Variants in DEAF1 observed in about 807,000 individuals in gnomAD.
DEAF1 encodes deformed epidermal autoregulatory factor 1 homolog.
Under a neutral mutation model 58.9 loss-of-function variants are expected in DEAF1, and 53 were observed. That is an observed-to-expected ratio of 0.90 (90% confidence interval 0.72 to 1.13). The LOEUF is 1.13. DEAF1 is among the 50% of genes most tolerant of loss of function. The pLI is 0.00. For missense variants in DEAF1, 685 were observed against 791.4 expected (o/e 0.87, Z 1.61); for synonymous variants, 385 against 340.4 (o/e 1.13, Z -1.44).
chr11:671,233 G>A (rs1342092412), intron 10 of DEAF1, among the ~76,000 whole-genome samples: 1 of 148,370 alleles, frequency 6.7e-6, no homozygotes, highest in Non-Finnish European at 1.5e-5. Flanking sequence ...TGGACTTTTT[G>A]TTTTTTGAGA....
At chr11:649,461 T>TA (rs1250316443) in intron 11 of DEAF1, among the ~76,000 whole-genome samples, 1 of 150,656 alleles carries the variant, frequency 6.6e-6, no homozygotes, top group African/African-American at 2.4e-5. Context: ...GGCTCACACC[T>TA]ATAATCCCAG....
rs1163818951 is a variant in DEAF1 at position 688,587 on chromosome 11, G to A, written c.388-127C>T. The A allele has an allele frequency of 9.0e-7, 1 of 1,112,662 alleles. No individual in the cohort carries two copies. Among genetic ancestry groups the A allele is most frequent in the African/African-American group, 1.5e-5 (1 of 65,152 alleles). 68.9% of individuals were successfully genotyped at this position (1,112,662 alleles called of 1,614,324 possible). On this transcript the variant is annotated intron_variant, in intron 2 of 11. Coordinates refer to ENST00000382409, the MANE Select transcript of DEAF1 (RefSeq NM_021008.4). The surrounding 1 kb of genome is among the most constrained non-coding windows in gnomAD (Gnocchi z 4.3). Reference sequence around the variant, plus strand: ...TCACCAAGAAGGGACGCTCACCTAGGCACCCCATATCTTTTCCAAAGATAC... The same window carrying A: ...TCACCAAGAAGGGACGCTCACCTAGACACCCCATATCTTTTCCAAAGATAC...
chr11:691,884 G>A (rs1294510080), intron 1 of DEAF1, among the ~76,000 whole-genome samples: 2 of 152,112 alleles, frequency 1.3e-5, no homozygotes, highest in Admixed American at 6.6e-5. Context: ...GCCAGCCCCA[G>A]CTCTATCAAA....
chr11:645,137 C>CG (rs1284029895), intron 11 of DEAF1, among the ~76,000 whole-genome samples: 2 of 131,284 alleles, frequency 1.5e-5, no homozygotes, highest in African/African-American at 5.8e-5. Context: ...CACTCCAGCC[C>CG]GGGTGACAGA....
At chr11:656,219 G>A (rs1290226084) in intron 10 of DEAF1, among the ~76,000 whole-genome samples, 7 of 151,236 alleles carry the variant, frequency 4.6e-5, no homozygotes, top group Non-Finnish European at 8.8e-5. Flanking sequence ...GCAGTGGCAC[G>A]ATCTCAGCTC....
At chr11:703,225 A>G in intron 1 of DEAF1, 2 of 1,488,206 alleles carry the variant, frequency 1.3e-6, no homozygotes, top group Non-Finnish European at 1.8e-6. Context: ...TCACCTCCCC[A>G]TTCCTGGACA....
intron 1 of DEAF1, chr11:700,360 C>T (rs1861390950): frequency 1.1e-6 from 1 of 899,138 alleles, no homozygotes; most frequent in Admixed American, 2.3e-5. Flanking sequence ...AACCCCATCT[C>T]TACTAAAAAC....
intron 10 of DEAF1, among the ~76,000 whole-genome samples, chr11:667,392 G>A (rs912500225): frequency 1.9e-4 from 26 of 138,276 alleles, no homozygotes; most frequent in African/African-American, 7.3e-4. Context: ...AGGAAGGAGA[G>A]AGGGAGGGAG....
intron 10 of DEAF1, among the ~76,000 whole-genome samples, chr11:654,969 GA>G (rs1387340362): frequency 6.6e-6 from 1 of 151,208 alleles, no homozygotes; most frequent in Non-Finnish European, 1.5e-5. Context: ...AGGAGATCGA[GA>G]CCATCCTGGC....
chr11:691,556 T>C lies in DEAF1; in HGVS notation c.332A>G (p.Asp111Gly). 1.2e-6 allele frequency: 2 copies of C among 1,613,832 alleles called. No individual in the cohort carries two copies. The highest frequency in any genetic ancestry group is 1.7e-6 in the Non-Finnish European group (2 of 1,180,008). Residue 111 changes from aspartate to glycine, a missense_variant, in exon 2 of 12, where the codon GAC becomes GGC. By Grantham distance (94) the Asp-to-Gly change is moderately conservative. Transcript: ENST00000382409. ...CGCCACAGACGTGGTGAAGACATTG[T>C]CTGCAGCAGCCCCCACGTTGGCCAC... ...VTVANVGAAA[D>G]NVFTTSVANA...
upstream of DEAF1, among the ~76,000 whole-genome samples, chr11:698,545 C>G (rs530721076): frequency 2.6e-5 from 4 of 152,310 alleles, no homozygotes; most frequent in African/African-American, 7.2e-5. Context: ...ACAATGAGAG[C>G]AGCTGTTGGG....
intron 10 of DEAF1, among the ~76,000 whole-genome samples, chr11:662,511 C>A (rs1203009766): frequency 6.6e-6 from 1 of 152,136 alleles, no homozygotes; most frequent in African/African-American, 2.4e-5. Context: ...CCTTCCTCCC[C>A]TCGCCGACCT....
intron 10 of DEAF1, among the ~76,000 whole-genome samples, chr11:655,390 G>A (rs1459670226): frequency 6.6e-6 from 1 of 152,262 alleles, no homozygotes; most frequent in African/African-American, 2.4e-5. Flanking sequence ...AGGTCAACAT[G>A]CTGTCAATGA....
intron 11 of DEAF1, among the ~76,000 whole-genome samples, chr11:648,417 G>C (rs367827377): frequency 5.3e-5 from 8 of 151,984 alleles, no homozygotes; most frequent in African/African-American, 1.7e-4. Context: ...GGATGGTCTC[G>C]ATCTCCTGAC....
chr11:698,964 C>A, upstream of DEAF1: 5 of 1,575,016 alleles, frequency 3.2e-6, no homozygotes, highest in Non-Finnish European at 3.5e-6. Context: ...CTCGGCCTCA[C>A]CCCACGTTTT....
At chr11:659,399 T>TA (rs1859211849) in intron 10 of DEAF1, among the ~76,000 whole-genome samples, 2 of 152,092 alleles carry the variant, frequency 1.3e-5, no homozygotes, top group Middle Eastern at 3.4e-3. Flanking sequence ...TCTCAAATGA[T>TA]AAAAAATAAT....
At chr11:645,921 A>G (rs1297062644) in intron 11 of DEAF1, among the ~76,000 whole-genome samples, 1 of 152,194 alleles carries the variant, frequency 6.6e-6, no homozygotes. Flanking sequence ...TGACAGAGTT[A>G]TTCCCTAGAG....
chr11:687,150 C>T (rs1860629375), intron 4 of DEAF1, among the ~76,000 whole-genome samples, 153 bp from the exon 5 acceptor site: 1 of 152,246 alleles, frequency 6.6e-6, no homozygotes, highest in Admixed American at 6.5e-5. Context: ...CCTGACAGGT[C>T]CACCACGGGT....
At chr11:673,423 G>A (rs995497280) in intron 10 of DEAF1, among the ~76,000 whole-genome samples, 2 of 152,120 alleles carry the variant, frequency 1.3e-5, no homozygotes, top group East Asian at 1.9e-4. Flanking sequence ...AGCTACTTGG[G>A]AGGCTGAGGC....
Sources: gnomAD v4.1 joint callset for allele counts (sites outside exome capture counted in the v4.1 genomes callset) on GRCh38, gnomAD v4.1.1 for gene constraint, Gnocchi (gnomAD v3.1) non-coding constraint, MANE v1.5 for transcripts, NCBI Gene and HGNC (gene_info 2026-07-23, HGNC 2026-07-21) for gene names.